The following PTPN4 variants were observed in gnomAD, a reference collection of about 807,000 sequenced individuals.
PTPN4 encodes the protein tyrosine-protein phosphatase non-receptor type 4.
In PTPN4, 49 loss-of-function variants were observed where a neutral mutation model predicts 135.5. That is an observed-to-expected ratio of 0.36 (90% CI 0.29 to 0.46). The LOEUF (loss-of-function observed/expected upper bound fraction) is 0.46, where lower values mean the gene tolerates loss of function less well. Among genes scored for constraint, PTPN4 ranks in the 20% least tolerant of loss-of-function variants. The probability of loss-of-function intolerance (pLI) is 1.00; values close to 1 mark genes in which losing one functional copy is unlikely to be tolerated. For synonymous variants in PTPN4, 333 were observed against 369.9 expected (o/e 0.90, Z 1.14); for missense variants, 860 against 1,101.0 (o/e 0.78, Z 3.10).
At chr2:119,802,894 A>G (rs1276746549) in intron 1 of PTPN4, among the ~76,000 whole-genome samples, 1 of 152,132 alleles carries the variant, frequency 6.6e-6, no homozygotes, top group African/African-American at 2.4e-5. Context: ...TAAAATAGTT[A>G]TAGGGCTGTT....
chr2:119,909,072 T>G (rs1678530916), intron 10 of PTPN4, among the ~76,000 whole-genome samples: 1 of 152,072 alleles, frequency 6.6e-6, no homozygotes, highest in African/African-American at 2.4e-5. Flanking sequence ...AGAAAAGAGG[T>G]CATCTCCATA....
At chr2:119,878,307 T>C (rs1678015675) in intron 5 of PTPN4, among the ~76,000 whole-genome samples, 1 of 152,186 alleles carries the variant, frequency 6.6e-6, no homozygotes, top group South Asian at 2.1e-4. Flanking sequence ...CCTTGTGTGT[T>C]GCCTGAAAGA....
chr2:119,861,831 T>C (rs529185335), intron 2 of PTPN4, among the ~76,000 whole-genome samples: 1 of 152,304 alleles, frequency 6.6e-6, no homozygotes, highest in East Asian at 1.9e-4. Context: ...GGGGAAGTTG[T>C]ATTTACTCTT....
At chr2:119,975,161 G>C (rs1679594799) in intron 26 of PTPN4, among the ~76,000 whole-genome samples, 1 of 152,150 alleles carries the variant, frequency 6.6e-6, no homozygotes, top group Admixed American at 6.5e-5. Flanking sequence ...TGCCAGGCTG[G>C]TTTGCAGTAG....
intron 10 of PTPN4, among the ~76,000 whole-genome samples, chr2:119,903,650 C>T (rs1053644799): frequency 5.9e-5 from 9 of 152,162 alleles, no homozygotes; most frequent in Admixed American, 2.6e-4. Context: ...TTCCCAGGGG[C>T]CCAGGGACTG....
chr2:119,857,726 A>G (rs1677702583), intron 2 of PTPN4, among the ~76,000 whole-genome samples: 1 of 152,252 alleles, frequency 6.6e-6, no homozygotes, highest in East Asian at 1.9e-4. Context: ...GAATATTATC[A>G]TTTACTCTTC....
intron 9 of PTPN4, among the ~76,000 whole-genome samples, chr2:119,897,900 T>C (rs1436567407): frequency 6.6e-6 from 1 of 152,174 alleles, no homozygotes; most frequent in Non-Finnish European, 1.5e-5. Context: ...GAGTGTGAAA[T>C]GATGTAATTG....
chr2:119,835,323 T>C (rs1176762689), intron 2 of PTPN4, among the ~76,000 whole-genome samples: 2 of 152,092 alleles, frequency 1.3e-5, no homozygotes, highest in African/African-American at 4.8e-5. Flanking sequence ...TAGCTGGGAT[T>C]AGAGGCGTCT....
At chr2:119,873,031 C>T (rs1033488359) in intron 3 of PTPN4, among the ~76,000 whole-genome samples, 2 of 152,142 alleles carry the variant, frequency 1.3e-5, no homozygotes, top group East Asian at 3.8e-4. Flanking sequence ...CTCTGTCACC[C>T]AGACTGGAGT....
At chr2:119,782,276 G>A (rs1400349799) in intron 1 of PTPN4, among the ~76,000 whole-genome samples, 1 of 152,006 alleles carries the variant, frequency 6.6e-6, no homozygotes, top group Non-Finnish European at 1.5e-5. Flanking sequence ...AAAATTAGCC[G>A]GGTGTGGAGA....
chr2:119,781,412 T>A lies in PTPN4; in HGVS notation c.-18+21028T>A, dbSNP rs149341061. ...GCCATATCTGACCTCTTGTGTCCTG[T>A]AGCCAGACTCCTGGTTCTCAACAAT... On this transcript the variant is annotated intron_variant, in intron 1 of 26. Transcript: ENST00000263708. Among the ~76,000 whole-genome samples, 551 of 152,332 alleles carry A rather than the reference T, an allele frequency of 3.6e-3. 3 individuals are homozygous for A. Among genetic ancestry groups the A allele is most frequent in the African/African-American group, 0.013 (529 of 41,580 alleles).
chr2:119,975,900 G>C (rs1293753916), intron 26 of PTPN4, among the ~76,000 whole-genome samples: 1 of 151,794 alleles, frequency 6.6e-6, no homozygotes. Flanking sequence ...ATTTAATGAA[G>C]TCTAGTCTAG....
chr2:119,884,965 A>G (rs946109504), intron 8 of PTPN4, among the ~76,000 whole-genome samples: 4 of 152,170 alleles, frequency 2.6e-5, no homozygotes, highest in Non-Finnish European at 4.4e-5. Flanking sequence ...TGTAAAAACT[A>G]TATGTGAAAT....
chr2:119,932,625 C>G, intron 14 of PTPN4, 76 bp downstream of exon 14: 1 of 1,439,880 alleles, frequency 6.9e-7, no homozygotes, highest in East Asian at 2.3e-5. Flanking sequence ...ATTTTTATGC[C>G]TGAAGACAAA....
chr2:119,956,177 G>A (rs1679278580), intron 20 of PTPN4, among the ~76,000 whole-genome samples: 1 of 150,054 alleles, frequency 6.7e-6, no homozygotes, highest in African/African-American at 2.4e-5. Flanking sequence ...TCACCCAGTG[G>A]ATTTTGAAAT....
intron 1 of PTPN4, chr2:119,791,057 A>T (rs1691135608): frequency 6.6e-6 from 1 of 151,912 alleles, no homozygotes; most frequent in Admixed American, 6.6e-5. Context: ...TTTAAATCAG[A>T]TAGGAGGAAA....
At chr2:119,929,442 T>C (rs970906218) in intron 13 of PTPN4, among the ~76,000 whole-genome samples, 6 of 152,128 alleles carry the variant, frequency 3.9e-5, no homozygotes, top group African/African-American at 1.2e-4. Context: ...TCATTAAATG[T>C]TTTTTCTTTT....
At chr2:119,883,141 TG>T (rs1457731426) in intron 8 of PTPN4, among the ~76,000 whole-genome samples, 4 of 152,126 alleles carry the variant, frequency 2.6e-5, no homozygotes, top group African/African-American at 7.2e-5. Context: ...TACACCACAG[TG>T]GGAAATTCTG....
intron 9 of PTPN4, among the ~76,000 whole-genome samples, chr2:119,886,974 C>A (rs767682340): frequency 2.8e-4 from 42 of 151,194 alleles, no homozygotes; most frequent in Non-Finnish European, 5.6e-4. Context: ...AAACCTTCAG[C>A]TTTCTTTTTT....
Sources: gnomAD v4.1 joint callset for allele counts (sites outside exome capture counted in the v4.1 genomes callset) on GRCh38, gnomAD v4.1.1 for gene constraint, MANE v1.5 for transcripts, NCBI Gene and HGNC (gene_info 2026-07-23, HGNC 2026-07-21) for gene names.